PAG1: variants seen among roughly 807,000 people sequenced by gnomAD.
PAG1 encodes phosphoprotein membrane anchor with glycosphingolipid microdomains 1.
A neutral mutation model predicts 31.7 loss-of-function variants in PAG1; 23 were observed. That is an observed-to-expected ratio of 0.73 (90% CI 0.52 to 1.03). The LOEUF is 1.03. Among genes scored for constraint, PAG1 ranks in the 50% least tolerant of loss-of-function variants. The probability of loss-of-function intolerance (pLI) is 0.00; values close to 1 mark genes in which losing one functional copy is unlikely to be tolerated. For missense variants in PAG1, 473 were observed against 540.7 expected (o/e 0.87, Z 1.24); for synonymous variants, 214 against 210.3 (o/e 1.02, Z -0.15).
At chr8:80,979,337 G>A (rs962663504) in intron 8 of PAG1, among the ~76,000 whole-genome samples, 3 of 152,234 alleles carry the variant, frequency 2.0e-5, no homozygotes, top group East Asian at 1.9e-4. Flanking sequence ...TCAGCAGGAG[G>A]GGACTGCTCT....
intron 1 of PAG1, among the ~76,000 whole-genome samples, chr8:81,100,053 T>C (rs1170415924): frequency 6.6e-6 from 1 of 152,236 alleles, no homozygotes; most frequent in Non-Finnish European, 1.5e-5. Flanking sequence ...TACCCACAAA[T>C]GACTGATATT....
chr8:81,109,871 C>T (rs1167319043), intron 1 of PAG1, among the ~76,000 whole-genome samples: 1 of 152,184 alleles, frequency 6.6e-6, no homozygotes, highest in Non-Finnish European at 1.5e-5. Context: ...CAGCCTGGCT[C>T]CATAGCCTGT....
chr8:80,993,617 T>C (rs1172405894), intron 3 of PAG1, among the ~76,000 whole-genome samples: 180 of 132,760 alleles, frequency 1.4e-3, no homozygotes, highest in African/African-American at 5.2e-3. Flanking sequence ...TTTTTTTTTT[T>C]CTTCAACCAG....
chr8:81,055,153 T>C (rs1808797317), intron 2 of PAG1, among the ~76,000 whole-genome samples: 1 of 150,958 alleles, frequency 6.6e-6, no homozygotes, highest in African/African-American at 2.4e-5. Flanking sequence ...AGCCTACAAC[T>C]CTTGGGCTCA....
intron 5 of PAG1, among the ~76,000 whole-genome samples, chr8:80,988,736 G>A (rs1374334969): frequency 6.6e-6 from 1 of 152,188 alleles, no homozygotes; most frequent in African/African-American, 2.4e-5. Context: ...ACAGGCGTGA[G>A]CCACTGTGCC....
At chr8:80,985,432 A>G in intron 6 of PAG1, 55 bp from the exon 7 acceptor site, 3 of 1,526,016 alleles carry the variant, frequency 2.0e-6, no homozygotes, top group South Asian at 2.6e-5. Context: ...AATAATTATT[A>G]CCGAGAATCA....
chr8:81,086,129 C>T (rs1398856757), intron 1 of PAG1, among the ~76,000 whole-genome samples: 3 of 150,194 alleles, frequency 2.0e-5, no homozygotes, highest in African/African-American at 4.9e-5. Flanking sequence ...CTACAGGCGC[C>T]CGCTACCACG....
At chr8:81,054,515 A>G (rs1215027367) in intron 2 of PAG1, among the ~76,000 whole-genome samples, 1 of 152,078 alleles carries the variant, frequency 6.6e-6, no homozygotes, top group Admixed American at 6.5e-5. Flanking sequence ...TCTACTAAAA[A>G]TATTTTAAAA....
intron 5 of PAG1, among the ~76,000 whole-genome samples, chr8:80,989,427 G>A (rs968186103): frequency 6.6e-6 from 1 of 152,278 alleles, no homozygotes; most frequent in South Asian, 2.1e-4. Context: ...TGAAGAATCC[G>A]CAAGTTGTAT....
rs542905407 is a variant in PAG1, at chr8:81,082,364, T to C, written c.-233-12194A>G. On this transcript the variant is annotated intron_variant, in intron 1 of 8. Coordinates refer to ENST00000220597, the MANE Select transcript of PAG1 (RefSeq NM_018440.4). ...AAAAGAAAAAAGGAACCTGATTCCC[T>C]AGTTCTGGGAATCAAGACATGAACA... 2.6e-5 allele frequency among the ~76,000 whole-genome samples: 4 copies of C among 152,140 alleles called. No individual in the cohort carries two copies. In the East Asian group the frequency reaches 7.7e-4, roughly 29 times the overall value.
intron 1 of PAG1, among the ~76,000 whole-genome samples, chr8:81,077,422 A>T (rs565522415): frequency 1.3e-5 from 2 of 152,328 alleles, no homozygotes; most frequent in South Asian, 4.1e-4. Flanking sequence ...GGCCTACAGG[A>T]ACAAAACTGT....
rs185780347 is a variant in PAG1, at chr8:81,000,522, T to A, written c.-80-7215A>T. Among the ~76,000 whole-genome samples, 3 of 152,238 alleles carry A rather than the reference T, an allele frequency of 2.0e-5. No individual in the cohort carries two copies. In the East Asian group the frequency reaches 5.8e-4, roughly 29 times the overall value. On this transcript the variant is annotated intron_variant, in intron 3 of 8. Transcript: ENST00000220597. ...TTAAGGTAGATGTTACTGAATCGAT[T>A]GTAAGGACTCCTGGGTTTAAGTGAT... is the stretch of plus-strand genomic sequence containing the variant.
In PAG1 at chr8:80,985,303, C is replaced by A. The variant is rs1807394897; in HGVS notation, c.349G>T (p.Asp117Tyr). 6.2e-7 allele frequency: 1 copy of A among 1,614,054 alleles called. No homozygotes were observed. Among genetic ancestry groups the A allele is most frequent in the South Asian group, 1.1e-5 (1 of 91,074 alleles). Residue 117 changes from aspartate to tyrosine, a missense_variant, in exon 7 of 9, where the codon GAT becomes TAT. Transcript: ENST00000220597. ...GGTTTCCCTGTGCTGTCCTGGGAAT[C>A]CAGCAGATCCGAGGCCGATGTCTGG... The part of the protein sequence containing the change: ...EVQTSASDLL[D>Y]SQDSTGKPKC...
chr8:81,015,411 T>C (rs1808055862), intron 3 of PAG1, among the ~76,000 whole-genome samples: 2 of 152,206 alleles, frequency 1.3e-5, no homozygotes, highest in Admixed American at 1.3e-4. Context: ...TGAATAAGCA[T>C]ATTCTACACA....
At position 80,972,250 on chromosome 8, in the gene PAG1, G is replaced by A. The variant is rs1221299963; in HGVS notation, c.*4294C>T. On this transcript the variant is annotated 3_prime_UTR_variant, in exon 9 of 9. Coordinates refer to ENST00000220597, the MANE Select transcript of PAG1 (RefSeq NM_018440.4). ...CTGTGCTTCCAGCAGCCAAAGCTAA[G>A]CTGGCTGGGTACCAGAAATCAACAC... 1 of 152,170 alleles carries A rather than the reference G, an allele frequency of 6.6e-6. No homozygotes were observed. The highest frequency in any genetic ancestry group is 1.5e-5 in the Non-Finnish European group (1 of 68,042). 9.4% of individuals were successfully genotyped at this position (152,170 alleles called of 1,614,324 possible). A position where few individuals can be genotyped will look rare whatever the true frequency, so the allele number is the denominator to read the frequency against.
intron 1 of PAG1, among the ~76,000 whole-genome samples, chr8:81,100,007 T>G (rs1278705727): frequency 6.6e-6 from 1 of 152,214 alleles, no homozygotes; most frequent in Admixed American, 6.5e-5. Context: ...TAAATAAAAC[T>G]TACTCCTAAT....
Position 81,073,376 on chromosome 8 carries a change from G to A in PAG1, c.-233-3206C>T, listed in dbSNP as rs369550852. Among the ~76,000 whole-genome samples the A allele has an allele frequency of 8.1e-4, 124 of 152,238 alleles. 1 individual carries two copies. The highest frequency in any genetic ancestry group is 2.8e-3 in the African/African-American group (117 of 41,536). On this transcript the variant is annotated intron_variant, in intron 1 of 8. Transcript: ENST00000220597. ...CCTGAGAGCATCAAATGAGACAAGC[G>A]ACAGGATTCTCAGATGGAATTTGAT...
chr8:81,077,726 A>C (rs1809202313), intron 1 of PAG1, among the ~76,000 whole-genome samples: 1 of 152,246 alleles, frequency 6.6e-6, no homozygotes, highest in Non-Finnish European at 1.5e-5. Context: ...AGATTAATCA[A>C]ATCAATAATG....
Position 80,971,651 on chromosome 8 carries a change from G to C in PAG1, c.*4893C>G, listed in dbSNP as rs1177621581. On this transcript the variant is annotated 3_prime_UTR_variant, in exon 9 of 9. Transcript: ENST00000220597. ...AAAAACTTCCTGTATTAACAGAAAT[G>C]ATTACTGAATTGAACGCTTTTTAAA... is the stretch of plus-strand genomic sequence containing the variant. The C allele has an allele frequency of 1.3e-5, 2 of 152,130 alleles. No homozygotes were observed. Among genetic ancestry groups the C allele is most frequent in the East Asian group, 3.9e-4 (2 of 5,194 alleles). The allele number at this position is 152,130 out of a possible 1,614,324, so 9.4% of individuals were successfully genotyped here. A position where few individuals can be genotyped will look rare whatever the true frequency, so the allele number is the denominator to read the frequency against.
Sources: allele counts gnomAD v4.1 joint callset (sites outside exome capture counted in the v4.1 genomes callset), GRCh38; gene constraint gnomAD v4.1.1; transcripts MANE v1.5; gene names NCBI Gene and HGNC (gene_info 2026-07-23, HGNC 2026-07-21).